Variants in DPH6 observed in about 807,000 individuals in gnomAD.
DPH6 encodes the protein diphthamine biosynthesis 6, also known as diphthine--ammonia ligase.
A neutral mutation model predicts 38.2 loss-of-function variants in DPH6; 33 were observed. That is an observed-to-expected ratio of 0.86 (90% CI 0.65 to 1.15). The LOEUF is 1.15. Ranked by LOEUF, DPH6 falls within the 50% of genes most tolerant of loss-of-function variation. DPH6 has a pLI of 0.00. For missense variants in DPH6, 325 were observed against 320.0 expected, an observed-to-expected ratio of 1.02 and a Z score of -0.12; for synonymous variants, 108 against 103.0, an observed-to-expected ratio of 1.05 and a Z score of -0.30.
chr15:35,282,808 G>T, intron 3 of DPH6: 1 of 341,624 alleles, frequency 2.9e-6, no homozygotes. Context: ...TCACAGCACA[G>T]GACCATCAGC....
At chr15:35,304,712 G>C (rs1245458169) in intron 3 of DPH6, among the ~76,000 whole-genome samples, 3 of 150,668 alleles carry the variant, frequency 2.0e-5, no homozygotes, top group Non-Finnish European at 3.0e-5. Flanking sequence ...TTTTTGAAGT[G>C]ACACTAACCT....
At chr15:35,501,023 G>A (rs1000661737) in intron 3 of DPH6, among the ~76,000 whole-genome samples, 1 of 152,138 alleles carries the variant, frequency 6.6e-6, no homozygotes, top group African/African-American at 2.4e-5. Flanking sequence ...CTACAGGCGT[G>A]AGCCACCGTG....
intron 3 of DPH6, chr15:35,520,691 C>A (rs995466055): frequency 3.0e-6 from 3 of 984,824 alleles, no homozygotes; most frequent in Non-Finnish European, 3.6e-6. Flanking sequence ...AATTGCTGAA[C>A]CTCTGTAGAA....
chr15:35,360,603 C>A (rs549104570), intron 3 of DPH6, among the ~76,000 whole-genome samples: 24 of 152,194 alleles, frequency 1.6e-4, no homozygotes, highest in African/African-American at 4.8e-4. Context: ...TGCCCCCAGG[C>A]CATAGCAGAG....
chr15:35,272,222 A>G (rs2051826653), intron 3 of DPH6, among the ~76,000 whole-genome samples: 1 of 152,238 alleles, frequency 6.6e-6, no homozygotes, highest in Non-Finnish European at 1.5e-5. Flanking sequence ...TAATCTAGAG[A>G]TGATTTAAAG....
At chr15:35,364,949 T>C (rs1048714462) in intron 3 of DPH6, among the ~76,000 whole-genome samples, 3 of 152,080 alleles carry the variant, frequency 2.0e-5, no homozygotes, top group Admixed American at 6.6e-5. Context: ...TTCTTTTATG[T>C]GTATTTTCTA....
the DPH6 span, among the ~76,000 whole-genome samples, chr15:35,186,539 T>A: frequency 6.6e-6 from 1 of 152,196 alleles, no homozygotes; most frequent in Non-Finnish European, 1.5e-5. Flanking sequence ...GATGAATGAT[T>A]TAGGCTGCTA....
chr15:35,436,326 C>A (rs541961028), intron 5 of DPH6, among the ~76,000 whole-genome samples: 2 of 151,216 alleles, frequency 1.3e-5, no homozygotes, highest in Admixed American at 1.3e-4. Context: ...ATTAGCTGGG[C>A]GTGGTGGTGG....
intron 3 of DPH6, among the ~76,000 whole-genome samples, chr15:35,343,012 T>C (rs2052434149): frequency 6.6e-6 from 1 of 152,204 alleles, no homozygotes; most frequent in Non-Finnish European, 1.5e-5. Flanking sequence ...CCAGATTTCA[T>C]AGCATGTCAT....
At chr15:35,353,331 G>A (rs1290915296) in intron 3 of DPH6, among the ~76,000 whole-genome samples, 5 of 152,176 alleles carry the variant, frequency 3.3e-5, no homozygotes, top group Non-Finnish European at 5.9e-5. Flanking sequence ...TGCTTTTGGT[G>A]TTTTAGACAT....
At chr15:35,537,729 A>T (rs945181826) in intron 3 of DPH6, among the ~76,000 whole-genome samples, 7 of 152,100 alleles carry the variant, frequency 4.6e-5, no homozygotes, top group African/African-American at 1.7e-4. Flanking sequence ...CTTGCTTGAC[A>T]ACCATACGTA....
At chr15:35,378,392 G>A (rs567312258) in intron 7 of DPH6, among the ~76,000 whole-genome samples, 5 of 152,332 alleles carry the variant, frequency 3.3e-5, no homozygotes, top group African/African-American at 1.2e-4. Context: ...GTGTAAATTA[G>A]TTCAACCATT....
At chr15:35,506,973 G>A (rs1478775057) in intron 3 of DPH6, among the ~76,000 whole-genome samples, 1 of 152,022 alleles carries the variant, frequency 6.6e-6, no homozygotes, top group Non-Finnish European at 1.5e-5. Flanking sequence ...AAAGGTTGGG[G>A]TGGGAGAAAC....
intron 3 of DPH6, among the ~76,000 whole-genome samples, chr15:35,488,515 T>C (rs1944621256): frequency 6.6e-6 from 1 of 152,018 alleles, no homozygotes; most frequent in African/African-American, 2.4e-5. Context: ...GAGCAAGAAG[T>C]GCCAAACTTT....
In DPH6 at chr15:35,242,133, G is replaced by T. The variant is rs200523178; in HGVS notation, n.201-21551C>A. On this transcript the variant is annotated intron_variant and non_coding_transcript_variant, in intron 3 of 3. Coordinates refer to the DPH6 transcript ENST00000560386. Reference sequence around the variant, plus strand: ...CTCAGCAAATTACCTGGGCTGTACCGCCGCAAAGCTTCACAGACAGCCCCC... The same window carrying T: ...CTCAGCAAATTACCTGGGCTGTACCTCCGCAAAGCTTCACAGACAGCCCCC... Among the ~76,000 whole-genome samples the T allele has an allele frequency of 4.6e-3, 671 of 144,436 alleles. 39 individuals are homozygous for T. The highest frequency in any genetic ancestry group is 0.036 in the Middle Eastern group (10 of 280). The allele number at this position is 144,436 out of a possible 152,430, so 94.8% of individuals were successfully genotyped here.
chr15:35,545,460 T>C (rs529673606), intron 1 of DPH6, among the ~76,000 whole-genome samples: 2 of 152,334 alleles, frequency 1.3e-5, no homozygotes, highest in South Asian at 2.1e-4. Context: ...CAACAGCAAC[T>C]GGATCTAGCA....
chr15:35,489,602 A>G (rs1655251539), intron 3 of DPH6: 2 of 982,688 alleles, frequency 2.0e-6, no homozygotes, highest in Non-Finnish European at 2.4e-6. Flanking sequence ...CCTACCCAAG[A>G]GCAAATATTT....
intron 3 of DPH6, among the ~76,000 whole-genome samples, chr15:35,310,586 A>G (rs1350015860): frequency 6.6e-6 from 1 of 152,228 alleles, no homozygotes; most frequent in African/African-American, 2.4e-5. Flanking sequence ...ATAACCTTAT[A>G]TGAATGCCTT....
At chr15:35,543,457 G>A (rs1473226106) in intron 1 of DPH6, among the ~76,000 whole-genome samples, 1 of 151,656 alleles carries the variant, frequency 6.6e-6, no homozygotes, top group Non-Finnish European at 1.5e-5. Context: ...CAATCTATAT[G>A]CTATTGTAAT....
Sources: gnomAD v4.1 joint callset for allele counts (sites outside exome capture counted in the v4.1 genomes callset) on GRCh38, gnomAD v4.1.1 for gene constraint, MANE v1.5 for transcripts, NCBI Gene and HGNC (gene_info 2026-07-23, HGNC 2026-07-21) for gene names.